SPOCK1: variants seen among roughly 807,000 people sequenced by gnomAD.
The protein encoded by SPOCK1 is testican-1.
SPOCK1 carries 23 observed loss-of-function variants against 55.3 expected under a neutral mutation model. That is an observed-to-expected ratio of 0.42 (90% confidence interval 0.30 to 0.59). SPOCK1 has a LOEUF of 0.59. SPOCK1 is among the 20% of genes least tolerant of loss of function. The pLI, the probability that SPOCK1 is intolerant of heterozygous loss-of-function variation, is 0.22. For synonymous variants in SPOCK1, 226 were observed against 221.0 expected (o/e 1.02, Z -0.20); for missense variants, 499 against 552.5 (o/e 0.90, Z 0.97).
intron 3 of SPOCK1, among the ~76,000 whole-genome samples, chr5:137,194,210 G>A (rs1200289850): frequency 6.6e-6 from 1 of 152,180 alleles, no homozygotes. Flanking sequence ...CCCACAGGTG[G>A]AAAAAGAGAT....
At chr5:137,110,365 G>T (rs1455365515) in intron 5 of SPOCK1, among the ~76,000 whole-genome samples, 7 of 152,198 alleles carry the variant, frequency 4.6e-5, no homozygotes, top group Admixed American at 2.6e-4. Context: ...ACTGCTAGAA[G>T]TACAGAATGT....
intron 5 of SPOCK1, among the ~76,000 whole-genome samples, chr5:137,081,587 T>C (rs1028711344): frequency 1.3e-5 from 2 of 152,140 alleles, no homozygotes; most frequent in Non-Finnish European, 2.9e-5. Context: ...ACCCCAAATA[T>C]CTTTCTGAAT....
At chr5:137,233,402 G>A (rs1366941003) in intron 3 of SPOCK1, among the ~76,000 whole-genome samples, 2 of 152,166 alleles carry the variant, frequency 1.3e-5, no homozygotes, top group African/African-American at 4.8e-5. Flanking sequence ...GTTCACAACA[G>A]GGTTCATGTG....
intron 2 of SPOCK1, among the ~76,000 whole-genome samples, chr5:137,483,803 C>T (rs759850062): frequency 7.2e-5 from 11 of 152,160 alleles, no homozygotes; most frequent in Non-Finnish European, 1.5e-4. Context: ...GGCAAAATCT[C>T]CTGGCTGGGA....
intron 8 of SPOCK1, among the ~76,000 whole-genome samples, chr5:136,986,675 C>T (rs1236219788): frequency 2.0e-5 from 3 of 151,876 alleles, no homozygotes; most frequent in Non-Finnish European, 2.9e-5. Context: ...GTTGAAACCA[C>T]CAGGGAGGGA....
intron 3 of SPOCK1, among the ~76,000 whole-genome samples, chr5:137,180,290 T>C (rs560938408): frequency 5.3e-4 from 80 of 152,066 alleles, no homozygotes; most frequent in African/African-American, 1.9e-3. Flanking sequence ...GATGCTAGTA[T>C]TAATATTATG....
intron 2 of SPOCK1, among the ~76,000 whole-genome samples, chr5:137,371,653 G>A (rs1294874951): frequency 6.6e-6 from 1 of 152,140 alleles, no homozygotes; most frequent in African/African-American, 2.4e-5. Flanking sequence ...CTCCTAAGAA[G>A]TTGATAAGTT....
intron 2 of SPOCK1, among the ~76,000 whole-genome samples, chr5:137,419,329 T>G (rs1165189725): frequency 6.6e-6 from 1 of 152,200 alleles, no homozygotes; most frequent in African/African-American, 2.4e-5. Flanking sequence ...TTTTTCCAAT[T>G]CTGTGAAGAA....
chr5:137,390,937 C>T (rs1428175946), intron 2 of SPOCK1, among the ~76,000 whole-genome samples: 5 of 152,208 alleles, frequency 3.3e-5, no homozygotes, highest in Admixed American at 2.0e-4. Flanking sequence ...ATGTGCAGAA[C>T]GTGCAGGTTT....
intron 2 of SPOCK1, among the ~76,000 whole-genome samples, chr5:137,449,914 AAAAG>A (rs1476272383): frequency 1.4e-3 from 187 of 129,072 alleles, no homozygotes; most frequent in Non-Finnish European, 2.4e-3. Context: ...AAAAAAAAAA[AAAAG>A]AAAGAAAGAA....
chr5:137,276,523 C>T (rs1217130370), intron 2 of SPOCK1, among the ~76,000 whole-genome samples: 1 of 152,194 alleles, frequency 6.6e-6, no homozygotes, highest in East Asian at 1.9e-4. Flanking sequence ...GCCTCACTGC[C>T]GAACCTCAGC....
At chr5:137,124,601 G>A (rs1474445208) in intron 4 of SPOCK1, among the ~76,000 whole-genome samples, 2 of 152,212 alleles carry the variant, frequency 1.3e-5, no homozygotes, top group Non-Finnish European at 2.9e-5. Context: ...GAAGAGCCAT[G>A]CAGGCCCTCA....
At chr5:137,200,931 G>T (rs1755414229) in intron 3 of SPOCK1, among the ~76,000 whole-genome samples, 1 of 152,130 alleles carries the variant, frequency 6.6e-6, no homozygotes, top group Non-Finnish European at 1.5e-5. Flanking sequence ...TGAAAAGTTG[G>T]GCCAGTGACA....
At chr5:137,010,302 C>G (rs186657174) in intron 6 of SPOCK1, among the ~76,000 whole-genome samples, 4 of 152,152 alleles carry the variant, frequency 2.6e-5, no homozygotes, top group Non-Finnish European at 5.9e-5. Context: ...ATTACCATAA[C>G]AGCACCAAGA....
intron 5 of SPOCK1, among the ~76,000 whole-genome samples, chr5:137,108,539 G>A (rs1753408468): frequency 6.6e-6 from 1 of 152,140 alleles, no homozygotes; most frequent in Non-Finnish European, 1.5e-5. Flanking sequence ...CAGATACCCA[G>A]GCAGGAGACC....
chr5:137,321,568 T>C (rs1363820812), intron 2 of SPOCK1, among the ~76,000 whole-genome samples: 1 of 152,068 alleles, frequency 6.6e-6, no homozygotes, highest in African/African-American at 2.4e-5. Flanking sequence ...GATGATATAT[T>C]CAAAGTGATT....
At chr5:137,431,510 C>T (rs1752742720) in intron 2 of SPOCK1, among the ~76,000 whole-genome samples, 1 of 152,200 alleles carries the variant, frequency 6.6e-6, no homozygotes, top group African/African-American at 2.4e-5. Context: ...CACCAAAACT[C>T]ATGTCTAAAT....
intron 6 of SPOCK1, among the ~76,000 whole-genome samples, chr5:137,003,773 T>G (rs1751190826): frequency 6.6e-6 from 1 of 152,178 alleles, no homozygotes; most frequent in Non-Finnish European, 1.5e-5. Context: ...TAAACTTAAA[T>G]TGTTATTTAA....
intron 9 of SPOCK1, among the ~76,000 whole-genome samples, chr5:136,983,619 C>CG: frequency 7.4e-6 from 1 of 135,382 alleles, no homozygotes; most frequent in African/African-American, 2.6e-5. Flanking sequence ...CTCCTTGGAC[C>CG]AAAAAAAAAA....
Sources: allele counts gnomAD v4.1 joint callset (sites outside exome capture counted in the v4.1 genomes callset), GRCh38; gene constraint gnomAD v4.1.1; transcripts MANE v1.5; gene names NCBI Gene and HGNC (gene_info 2026-07-23, HGNC 2026-07-21).